The following PRRT3 variants were observed in gnomAD, a reference collection of about 807,000 sequenced individuals.
PRRT3 encodes the protein proline rich transmembrane protein 3.
Under a neutral mutation model 56.6 loss-of-function variants are expected in PRRT3, and 48 were observed. The observed-to-expected ratio is 0.85, with a 90% CI of 0.67 to 1.08. PRRT3 has a LOEUF of 1.08. PRRT3 is among the 50% of genes least tolerant of loss of function. The pLI is 0.00. For missense variants in PRRT3, 1,370 were observed against 1,353.1 expected (o/e 1.01, Z -0.20); for synonymous variants, 641 against 619.1 (o/e 1.04, Z -0.52).
chr3:9,946,719 G>A lies in PRRT3; in HGVS notation c.2454C>T (p.Ala818=), dbSNP rs2124876055. Residue 818 remains alanine (A), a synonymous_variant, in exon 4 of 4, where the codon GCC becomes GCT. Transcript: ENST00000412055. This position sits in a 1 kb window ranked among gnomAD's most constrained non-coding sequence, Gnocchi z 4.1. ...SPINLSRSID[A]ALFREHLVRD... The stretch of plus-strand genomic sequence containing the variant: ...GCACTAGGTGCTCGCGGAAGAGCGC[G>A]GCGTCGATGCTGCGGCTCAGGTTGA... 2.7e-6 allele frequency: 4 copies of A among 1,489,394 alleles called. No individual in the cohort carries two copies. Among genetic ancestry groups the A allele is most frequent in the Non-Finnish European group, 3.5e-6 (4 of 1,128,980 alleles). The allele number at this position is 1,489,394 out of a possible 1,614,324, so 92.3% of individuals were successfully genotyped here. A position where few individuals can be genotyped will look rare whatever the true frequency, so the allele number is the denominator to read the frequency against.
rs1354477009 is a variant in PRRT3, at chr3:9,947,656, G to C, written c.1517C>G (p.Ala506Gly). 7.0e-6 allele frequency: 11 copies of C among 1,568,294 alleles called. No individual in the cohort carries two copies. In the South Asian group the frequency reaches 1.2e-4, roughly 17 times the overall value. Residue 506 changes from alanine (A) to glycine (G), a missense_variant, in exon 4 of 4, where the codon GCC (alanine) becomes GGC (glycine). Physicochemically the swap from Ala to Gly is moderately conservative, Grantham distance 60. Coordinates refer to ENST00000412055, the MANE Select transcript of PRRT3 (RefSeq NM_207351.5). This position sits in a 1 kb window ranked among gnomAD's most constrained non-coding sequence, Gnocchi z 9.2. ...APAGPRLALV[A>G]AVLVLVASAL... ...CGAAGCCACGAGCACCAGCACCGCG[G>C]CCACCAATGCCAGCCGGGGCCCTGC...
chr3:9,947,161 A>T lies in PRRT3; in HGVS notation c.2012T>A (p.Phe671Tyr), dbSNP rs755878357. Residue 671 changes from phenylalanine (F) to tyrosine (Y), a missense_variant, in exon 4 of 4, where the codon TTC becomes TAC. Physicochemically the swap from Phe to Tyr is conservative, Grantham distance 22. Transcript: ENST00000412055. This position sits in a 1 kb window ranked among gnomAD's most constrained non-coding sequence, Gnocchi z 9.2. ...GTGGACACCCCACCAGGCCCACGAG[A>T]AGCGGCCCACGCGGCCTGGGCCCGG... ...LYPGPGRVGR[F>Y]SWAWWGVHFW... 1.3e-6 allele frequency: 2 copies of T among 1,535,630 alleles called. No homozygotes were observed. The highest frequency in any genetic ancestry group is 1.7e-6 in the Non-Finnish European group (2 of 1,146,496).
At chr3:9,948,628 C>A (rs774846291) in intron 3 of PRRT3, 130 bp downstream of exon 3, 10 of 1,056,732 alleles carry the variant, frequency 9.5e-6, no homozygotes, top group Non-Finnish European at 1.4e-5. Context: ...GAAGGAGGCC[C>A]TGGGCAACTC....
rs746102649 is a variant in PRRT3, at chr3:9,948,820, C to T, written c.1109G>A (p.Gly370Asp). Residue 370 changes from glycine to aspartate, a missense_variant, in exon 3 of 4, where the codon GGT becomes GAT. Coordinates refer to ENST00000412055, the MANE Select transcript of PRRT3 (RefSeq NM_207351.5). The stretch of plus-strand genomic sequence containing the variant: ...TACAGCTGGGCCAGGGTCTGAGGGA[C>T]CAGGGATGAGAGACTTGGGGGTGCC... The part of the protein sequence containing the change: ...APGTPKSLIP[G>D]PSDPGPAVNR... The T allele has an allele frequency of 1.8e-5, 29 of 1,613,498 alleles. No individual in the cohort carries two copies. The highest frequency in any genetic ancestry group is 2.5e-5 in the Non-Finnish European group (29 of 1,179,830).
rs200293113 is a variant in PRRT3, at chr3:9,950,125, C to T, written c.-10G>A. ...ATGGGCTGGAGGCCATGGTCTACTC[C>T]GATGCCTGGGCCTAAAGCCCCCACC... On this transcript the variant is annotated 5_prime_UTR_variant, in exon 2 of 4. Transcript: ENST00000412055. The T allele has an allele frequency of 1.0e-3, 1,423 of 1,429,148 alleles. 1 individual carries two copies. Among genetic ancestry groups the T allele is most frequent in the Admixed American group, 2.0e-3 (76 of 38,060 alleles). 88.5% of individuals were successfully genotyped at this position (1,429,148 alleles called of 1,614,324 possible).
chr3:9,949,493 G>C lies in PRRT3; in HGVS notation c.623C>G (p.Pro208Arg). Residue 208 changes from proline to arginine, a missense_variant, in exon 2 of 4, where the codon CCC (proline) becomes CGC (arginine). Coordinates refer to ENST00000412055, the MANE Select transcript of PRRT3 (RefSeq NM_207351.5). This position sits in a 1 kb window ranked among gnomAD's most constrained non-coding sequence, Gnocchi z 4.5. ...ACCTGAGTGGGAAACAAGGGTGTGG[G>C]GTGGGCCCTGGTGGTCTGAGGGAGA... is the stretch of plus-strand genomic sequence containing the variant. ...PTSPSDHQGP[P>R]HTLVSHSGTV... 6.2e-7 allele frequency: 1 copy of C among 1,614,036 alleles called. No individual in the cohort carries two copies. The highest frequency in any genetic ancestry group is 8.5e-7 in the Non-Finnish European group (1 of 1,180,018).
Position 9,946,560 on chromosome 3 carries a change from G to A in PRRT3, c.2613C>T (p.Arg871=), listed in dbSNP as rs1559341679. The A allele has an allele frequency of 3.5e-6, 5 of 1,424,588 alleles. No homozygotes were observed. The highest frequency in any genetic ancestry group is 2.8e-6 in the Non-Finnish European group (3 of 1,089,280). 88.2% of individuals were successfully genotyped at this position (1,424,588 alleles called of 1,614,324 possible). Residue 871 remains arginine, a synonymous_variant, in exon 4 of 4, where the codon CGC becomes CGT. Coordinates refer to ENST00000412055, the MANE Select transcript of PRRT3 (RefSeq NM_207351.5). The surrounding 1 kb of genome is among the most constrained non-coding windows in gnomAD (Gnocchi z 4.1). ...DDAGSSLLRG[R]CRSLSDVRVR... ...CGCGCACGTCGCTGAGCGACCTGCA[G>A]CGGCCGCGGAGGAGCGAGGAGCCAG...
At position 9,947,269 on chromosome 3, in the gene PRRT3, G is replaced by A. The variant is rs1387663504; in HGVS notation, c.1904C>T (p.Pro635Leu). The A allele has an allele frequency of 4.6e-6, 7 of 1,524,202 alleles. No individual in the cohort carries two copies. Among genetic ancestry groups the A allele is most frequent in the Non-Finnish European group, 6.1e-6 (7 of 1,143,028 alleles). 94.4% of individuals were successfully genotyped at this position (1,524,202 alleles called of 1,614,324 possible). A position where few individuals can be genotyped will look rare whatever the true frequency, so the allele number is the denominator to read the frequency against. Reference protein sequence around the residue: ...LDGPRGWDASPGPRLLAVAGA... With the variant: ...LDGPRGWDASLGPRLLAVAGA... ...CGCCACAGCCAACAGCCGAGGGCCCGGGCTGGCATCCCAGCCCCGTGGGCC... is the reference window on the plus strand; with the variant it reads ...CGCCACAGCCAACAGCCGAGGGCCCAGGCTGGCATCCCAGCCCCGTGGGCC... Residue 635 changes from proline to leucine, a missense_variant, in exon 4 of 4, where the codon CCG becomes CTG. Coordinates refer to ENST00000412055, the MANE Select transcript of PRRT3 (RefSeq NM_207351.5). The surrounding 1 kb of genome is among the most constrained non-coding windows in gnomAD (Gnocchi z 9.2).
intron 1 of PRRT3, among the ~76,000 whole-genome samples, 179 bp downstream of exon 1, chr3:9,952,143 T>TCTCCTC (rs562516938): frequency 4.6e-4 from 69 of 151,146 alleles, no homozygotes; most frequent in East Asian, 1.6e-3. Flanking sequence ...TCGGGTTACC[T>TCTCCTC]CTCCTCCTCC....
In PRRT3 at chr3:9,946,850, C is replaced by A; in HGVS notation, c.2323G>T (p.Ala775Ser). The A allele has an allele frequency of 1.3e-6, 2 of 1,539,378 alleles. No individual in the cohort carries two copies. Among genetic ancestry groups the A allele is most frequent in the Non-Finnish European group, 1.7e-6 (2 of 1,148,502 alleles). ...TGGGGTCCGCGACCCAACGACGCAG[C>A]CGAGCCCCAGGCGCCTGAACTGGGC... ...ATPSSGAWGS[A>S]ASLGRGPQGG... The change falls in exon 4 of 4, where the codon GCT (alanine) becomes TCT (serine). Residue 775 changes from alanine (A) to serine (S), a missense_variant. Physicochemically the swap from Ala to Ser is moderately conservative, Grantham distance 99. Coordinates refer to ENST00000412055, the MANE Select transcript of PRRT3 (RefSeq NM_207351.5). The surrounding 1 kb of genome is among the most constrained non-coding windows in gnomAD (Gnocchi z 4.1).
chr3:9,947,927 G>A lies in PRRT3; in HGVS notation c.1246C>T (p.Arg416Cys), dbSNP rs765349938. The change falls in exon 4 of 4, where the codon CGC becomes TGC. Residue 416 changes from arginine to cysteine, a missense_variant. Coordinates refer to ENST00000412055, the MANE Select transcript of PRRT3 (RefSeq NM_207351.5). The surrounding 1 kb of genome is among the most constrained non-coding windows in gnomAD (Gnocchi z 9.2). ...GTGGTGACTCGAATGAGGCCCCGGC[G>A]TGACGTCGAGGGGGCCTGGACTGGG... is the stretch of plus-strand genomic sequence containing the variant. Reference protein sequence around the residue: ...APPVQAPSTSRRGLIRVTTQR... With the variant: ...APPVQAPSTSCRGLIRVTTQR... 7.1e-6 allele frequency: 10 copies of A among 1,416,952 alleles called. No homozygotes were observed. The African/African-American group carries it at 1.0e-4, about 15-fold the overall frequency. 87.8% of individuals were successfully genotyped at this position (1,416,952 alleles called of 1,614,324 possible).
In PRRT3 at chr3:9,947,426, C is replaced by T. The variant is rs1401398818; in HGVS notation, c.1747G>A (p.Val583Ile). 1 of 1,612,436 alleles carries T rather than the reference C, an allele frequency of 6.2e-7. No homozygotes were observed. The highest frequency in any genetic ancestry group is 8.5e-7 in the Non-Finnish European group (1 of 1,179,684). The change falls in exon 4 of 4, where the codon GTA becomes ATA. Residue 583 changes from valine to isoleucine, a missense_variant. Physicochemically the swap from Val to Ile is conservative, Grantham distance 29. Coordinates refer to ENST00000412055, the MANE Select transcript of PRRT3 (RefSeq NM_207351.5). This position sits in a 1 kb window ranked among gnomAD's most constrained non-coding sequence, Gnocchi z 9.2. The part of the protein sequence containing the change: ...LLGAVALVHG[V>I]GLLATDLLST... ...AGCAGGTCTGTCGCGAGCAACCCTACACCATGCACCAGCGCCACTGCTCCC... is the reference window on the plus strand; with the variant it reads ...AGCAGGTCTGTCGCGAGCAACCCTATACCATGCACCAGCGCCACTGCTCCC...
rs769198716 is a variant in PRRT3 at position 9,949,903 on chromosome 3, C to T, written c.213G>A (p.Arg71=). The stretch of plus-strand genomic sequence containing the variant: ...CAGGGGCGTGGCGGACATCAGAGTT[C>T]CTGTGACTGTCAGCTCTGGGGTTCT... ...FPENPRADSH[R]NSDVRHAPAE... is the part of the protein sequence containing the mutation. Residue 71 remains arginine, a synonymous_variant, in exon 2 of 4, where the codon AGG becomes AGA. Transcript: ENST00000412055. This position sits in a 1 kb window ranked among gnomAD's most constrained non-coding sequence, Gnocchi z 4.5. The T allele has an allele frequency of 2.5e-6, 4 of 1,612,916 alleles. No individual in the cohort carries two copies. The highest frequency in any genetic ancestry group is 2.2e-5 in the East Asian group (1 of 44,862).
chr3:9,951,828 CA>C (rs540072951), intron 1 of PRRT3, among the ~76,000 whole-genome samples: 59 of 152,366 alleles, frequency 3.9e-4, no homozygotes, highest in African/African-American at 1.2e-3. Context: ...CAAGGTCACA[CA>C]GCTGAGTGGA....
rs750209901 is a variant in PRRT3 at position 9,947,551 on chromosome 3, T to C, written c.1622A>G (p.Tyr541Cys). Reference sequence around the variant, plus strand: ...AAGCAGCAAGGGGAAGGGCAGGTTGTAGAGCACCAGGCCCCCGCGAACGCC... The same window carrying C: ...AAGCAGCAAGGGGAAGGGCAGGTTGCAGAGCACCAGGCCCCCGCGAACGCC... Reference protein sequence around the residue: ...RLGVRGGLVLYNLPFPLLLTA... With the variant: ...RLGVRGGLVLCNLPFPLLLTA... The change falls in exon 4 of 4, where the codon TAC becomes TGC. Residue 541 changes from tyrosine (Y) to cysteine (C), a missense_variant. Transcript: ENST00000412055. The surrounding 1 kb of genome is among the most constrained non-coding windows in gnomAD (Gnocchi z 9.2). 7 of 1,610,192 alleles carry C rather than the reference T, an allele frequency of 4.3e-6. 1 individual carries two copies. The African/African-American group carries it at 9.4e-5, about 22-fold the overall frequency.
Position 9,949,537 on chromosome 3 carries a change from C to T in PRRT3, c.579G>A (p.Lys193=). 1 of 1,614,086 alleles carries T rather than the reference C, an allele frequency of 6.2e-7. No homozygotes were observed. Among genetic ancestry groups the T allele is most frequent in the South Asian group, 1.1e-5 (1 of 91,086 alleles). The change falls in exon 2 of 4, where the codon AAG becomes AAA. Residue 193 remains lysine (K), a synonymous_variant. Transcript: ENST00000412055. This position sits in a 1 kb window ranked among gnomAD's most constrained non-coding sequence, Gnocchi z 4.5. ...AGGGAGAAGTGGGTGGGACCCTGCT[C>T]TTAGTTTTGGCCTTCAGACCCTCAT... ...PRDEGLKAKT[K]SRVPPTSPSD...
Position 9,946,743 on chromosome 3 carries a change from G to A in PRRT3, c.2430C>T (p.Ile810=), listed in dbSNP as rs1337481932. ...CGGCGTCGATGCTGCGGCTCAGGTT[G>A]ATGGGCGATGGCGGCCGCAGATCCA... is the stretch of plus-strand genomic sequence containing the variant. The part of the protein sequence containing the change: ...SELDLRPPSP[I]NLSRSIDAAL... The change falls in exon 4 of 4, where the codon ATC becomes ATT. Residue 810 remains isoleucine (I), a synonymous_variant. Transcript: ENST00000412055. This position sits in a 1 kb window ranked among gnomAD's most constrained non-coding sequence, Gnocchi z 4.1. 3.3e-6 allele frequency: 5 copies of A among 1,526,424 alleles called. No homozygotes were observed. The East Asian group carries it at 9.3e-5, about 28-fold the overall frequency. 94.6% of individuals were successfully genotyped at this position (1,526,424 alleles called of 1,614,324 possible). A position where few individuals can be genotyped will look rare whatever the true frequency, so the allele number is the denominator to read the frequency against.
rs750966294 is a variant in PRRT3 at position 9,949,134 on chromosome 3, C to G, written c.982G>C (p.Ala328Pro). The change falls in exon 2 of 4, where the codon GCC (alanine) becomes CCC (proline). Residue 328 changes from alanine (A) to proline (P), a missense_variant. Coordinates refer to ENST00000412055, the MANE Select transcript of PRRT3 (RefSeq NM_207351.5). This position sits in a 1 kb window ranked among gnomAD's most constrained non-coding sequence, Gnocchi z 4.5. ...GACGGCCGATCAGGAGCCTCTGAGGCGGGTGGATCCGTGGGCTGGGGTCCT... is the reference window on the plus strand; with the variant it reads ...GACGGCCGATCAGGAGCCTCTGAGGGGGGTGGATCCGTGGGCTGGGGTCCT... ...SPGPQPTDPP[A>P]SEAPDRPSKP... The G allele has an allele frequency of 3.1e-6, 5 of 1,610,326 alleles. No homozygotes were observed. In the African/African-American group the frequency reaches 6.7e-5, roughly 22 times the overall value.
At position 9,947,268 on chromosome 3, in the gene PRRT3, C is replaced by T. The variant is rs764472496; in HGVS notation, c.1905G>A (p.Pro635=). 3.0e-5 allele frequency: 46 copies of T among 1,521,668 alleles called. No individual in the cohort carries two copies. The African/African-American group carries it at 3.2e-4, about 11-fold the overall frequency. 94.3% of individuals were successfully genotyped at this position (1,521,668 alleles called of 1,614,324 possible). A position where few individuals can be genotyped will look rare whatever the true frequency, so the allele number is the denominator to read the frequency against. ...LDGPRGWDAS[P]GPRLLAVAGA... ...CCGCCACAGCCAACAGCCGAGGGCCCGGGCTGGCATCCCAGCCCCGTGGGC... is the reference window on the plus strand; with the variant it reads ...CCGCCACAGCCAACAGCCGAGGGCCTGGGCTGGCATCCCAGCCCCGTGGGC... The change falls in exon 4 of 4, where the codon CCG becomes CCA. Residue 635 remains proline, a synonymous_variant. Coordinates refer to ENST00000412055, the MANE Select transcript of PRRT3 (RefSeq NM_207351.5). This position sits in a 1 kb window ranked among gnomAD's most constrained non-coding sequence, Gnocchi z 9.2.
Sources: gnomAD v4.1 joint callset for allele counts (sites outside exome capture counted in the v4.1 genomes callset) on GRCh38, gnomAD v4.1.1 for gene constraint, Gnocchi (gnomAD v3.1) non-coding constraint, MANE v1.5 for transcripts, NCBI Gene and HGNC (gene_info 2026-07-23, HGNC 2026-07-21) for gene names.